Variants in CALN1 observed in about 807,000 individuals in gnomAD.
CALN1 encodes calcium-binding protein 8.
Under a neutral mutation model 30.6 loss-of-function variants are expected in CALN1, and 17 were observed. The ratio of observed to expected loss-of-function variants is 0.56; its 90% CI spans 0.38 to 0.83. CALN1 has a LOEUF of 0.83. Among genes scored for constraint, CALN1 ranks in the 40% least tolerant of loss-of-function variants. The probability of loss-of-function intolerance (pLI) is 0.00; values close to 1 mark genes in which losing one functional copy is unlikely to be tolerated. For missense variants in CALN1, 291 were observed against 354.9 expected (o/e 0.82, Z 1.45); for synonymous variants, 156 against 131.4 (o/e 1.19, Z -1.28).
rs556221693 is a variant in CALN1, at chr7:71,822,339, C to G, written c.502-11847G>C. On this transcript the variant is annotated intron_variant, in intron 5 of 6. Coordinates refer to ENST00000395275, the MANE Select transcript of CALN1 (RefSeq NM_031468.4). ...TCTTGGCTCACTGCAACCTCCGCCT[C>G]CCGGGTTCAAGTGATTCTCCAGCCT... Among the ~76,000 whole-genome samples, 19 of 152,284 alleles carry G rather than the reference C, an allele frequency of 1.2e-4. No individual in the cohort carries two copies. In the East Asian group the frequency reaches 3.3e-3, roughly 26 times the overall value.
chr7:72,348,693 A>G (rs1423224796), intron 2 of CALN1, among the ~76,000 whole-genome samples: 1 of 152,196 alleles, frequency 6.6e-6, no homozygotes, highest in Non-Finnish European at 1.5e-5. Flanking sequence ...TACAGCCCAT[A>G]TGGATTGCCC....
chr7:72,327,311 T>G (rs1801349132), intron 2 of CALN1, among the ~76,000 whole-genome samples: 1 of 152,228 alleles, frequency 6.6e-6, no homozygotes, highest in African/African-American at 2.4e-5. Context: ...CTGGCCAGTA[T>G]GGTGAAACCC....
At chr7:72,311,651 ATTTTTTTTTT>A (rs56197069) in intron 2 of CALN1, among the ~76,000 whole-genome samples, 2 of 48,534 alleles carry the variant, frequency 4.1e-5, no homozygotes, top group Non-Finnish European at 3.8e-5. Context: ...CCTGGCTGAG[ATTTTTTTTTT>A]TTTTTTTTTT....
At chr7:71,847,093 C>T (rs898836153) in intron 5 of CALN1, among the ~76,000 whole-genome samples, 6 of 151,630 alleles carry the variant, frequency 4.0e-5, no homozygotes, top group South Asian at 4.2e-4. Flanking sequence ...GTAGTTCCAG[C>T]CCAAAGGGTG....
At chr7:72,487,824 AAAAG>A in the CALN1 span, among the ~76,000 whole-genome samples, 35 of 139,364 alleles carry the variant, frequency 2.5e-4, no homozygotes, top group East Asian at 4.4e-3. Flanking sequence ...GAGAAAGAGA[AAAAG>A]AAAGAAAGAG....
At chr7:72,284,549 T>C (rs866871832) in intron 2 of CALN1, among the ~76,000 whole-genome samples, 8 of 152,182 alleles carry the variant, frequency 5.3e-5, no homozygotes, top group East Asian at 1.9e-4. Flanking sequence ...AATAGAATGA[T>C]AGGCCTACAT....
chr7:71,834,348 TAA>T (rs60091117), intron 5 of CALN1, among the ~76,000 whole-genome samples: 64 of 89,816 alleles, frequency 7.1e-4, no homozygotes, highest in Middle Eastern at 6.6e-3. Context: ...CGATCCACCC[TAA>T]AAAAAAAAAA....
chr7:71,897,288 C>T (rs1373001743), intron 5 of CALN1, among the ~76,000 whole-genome samples: 1 of 152,094 alleles, frequency 6.6e-6, no homozygotes, highest in Non-Finnish European at 1.5e-5. Context: ...AACTGTTGCA[C>T]CGGGACTTGT....
chr7:72,311,198 TAATA>T (rs962900919), intron 2 of CALN1, among the ~76,000 whole-genome samples: 2 of 152,150 alleles, frequency 1.3e-5, no homozygotes, highest in African/African-American at 2.4e-5. Flanking sequence ...TAACGAATAG[TAATA>T]AATAGATTTT....
intron 6 of CALN1, among the ~76,000 whole-genome samples, chr7:71,788,867 C>T (rs1793146341): frequency 6.6e-6 from 1 of 151,976 alleles, no homozygotes; most frequent in Non-Finnish European, 1.5e-5. Context: ...ACCACGTTAG[C>T]CAGGATGATC....
At chr7:72,010,020 A>G (rs982243084) in intron 5 of CALN1, among the ~76,000 whole-genome samples, 3 of 152,252 alleles carry the variant, frequency 2.0e-5, no homozygotes, top group African/African-American at 7.2e-5. Context: ...CAAATGGGAT[A>G]AAATATACAC....
chr7:72,445,951 G>A (rs528382093), intron 1 of CALN1, among the ~76,000 whole-genome samples: 2 of 152,232 alleles, frequency 1.3e-5, no homozygotes, highest in South Asian at 2.1e-4. Flanking sequence ...ACCATTCAGC[G>A]TGTTTTAAAG....
At chr7:72,289,615 C>CA (rs1323725686) in intron 2 of CALN1, among the ~76,000 whole-genome samples, 1 of 152,088 alleles carries the variant, frequency 6.6e-6, no homozygotes, top group Admixed American at 6.6e-5. Context: ...AAGAGATGTG[C>CA]AGCAGTATAC....
At position 71,963,993 on chromosome 7, in the gene CALN1, G is replaced by T. The variant is rs79410683; in HGVS notation, c.501+59664C>A. ...AATATGTCTTGTTTTCAATGTCCGT[G>T]TATTTAAACATAAATGTTTCCTGCT... On this transcript the variant is annotated intron_variant, in intron 5 of 6. Transcript: ENST00000395275. Among the ~76,000 whole-genome samples the T allele has an allele frequency of 4.5e-4, 68 of 152,286 alleles. 2 individuals carry two copies. The East Asian group carries it at 0.013, about 28-fold the overall frequency.
intron 2 of CALN1, among the ~76,000 whole-genome samples, chr7:72,387,783 G>A (rs995176900): frequency 6.6e-6 from 1 of 152,184 alleles, no homozygotes; most frequent in African/African-American, 2.4e-5. Flanking sequence ...ACCATTGCCA[G>A]GCACAGAAGG....
intron 3 of CALN1, among the ~76,000 whole-genome samples, chr7:72,212,315 A>C (rs1473294475): frequency 7.0e-6 from 1 of 143,300 alleles, no homozygotes; most frequent in Non-Finnish European, 1.5e-5. Flanking sequence ...GTGGCACTGC[A>C]CTCCAGCCTG....
intron 3 of CALN1, among the ~76,000 whole-genome samples, chr7:72,118,672 A>G (rs1808165339): frequency 6.6e-6 from 1 of 152,210 alleles, no homozygotes; most frequent in African/African-American, 2.4e-5. Flanking sequence ...CAGGGCCAAA[A>G]GGAAAATGAG....
chr7:71,847,065 C>T (rs1381238916), intron 5 of CALN1, among the ~76,000 whole-genome samples: 3 of 151,438 alleles, frequency 2.0e-5, no homozygotes, highest in Non-Finnish European at 4.4e-5. Flanking sequence ...AAGCTAGAGA[C>T]CCAAGAGAGC....
At chr7:72,002,868 G>A (rs193265973) in intron 5 of CALN1, among the ~76,000 whole-genome samples, 1 of 152,154 alleles carries the variant, frequency 6.6e-6, no homozygotes. Context: ...CAAAAACAGA[G>A]AATAAAATTA....
Sources: allele counts gnomAD v4.1 joint callset (sites outside exome capture counted in the v4.1 genomes callset), GRCh38; gene constraint gnomAD v4.1.1; transcripts MANE v1.5; gene names NCBI Gene and HGNC (gene_info 2026-07-23, HGNC 2026-07-21).